Variants in CHAF1A observed in about 807,000 individuals in gnomAD.
The protein encoded by CHAF1A is chromatin assembly factor 1 subunit A.
CHAF1A carries 5 observed loss-of-function variants against 93.2 expected under a neutral mutation model. The ratio of observed to expected loss-of-function variants is 0.05; its 90% CI spans 0.03 to 0.11. CHAF1A has a LOEUF of 0.11. Ranked by LOEUF, CHAF1A falls within the 10% of genes least tolerant of loss-of-function variation. CHAF1A has a pLI of 1.00. For synonymous variants in CHAF1A, 504 were observed against 510.3 expected, an observed-to-expected ratio of 0.99 and a Z score of 0.17; for missense variants, 1,102 against 1,259.9, an observed-to-expected ratio of 0.87 and a Z score of 1.90.
intron 1 of CHAF1A, among the ~76,000 whole-genome samples, chr19:4,403,175 G>T (rs1218312604): frequency 2.6e-5 from 4 of 152,174 alleles, no homozygotes; most frequent in Non-Finnish European, 4.4e-5. Context: ...TGACCATGTT[G>T]GACCTTGCAG....
rs555710553 is a variant in CHAF1A at position 4,410,568 on chromosome 19, A to G, written c.960+809A>G. ...GCTAATTTTTATATTTTTAGTAGAGACAGGGTTTCACTATCTTGGCCAGGC... is the reference window on the plus strand; with the variant it reads ...GCTAATTTTTATATTTTTAGTAGAGGCAGGGTTTCACTATCTTGGCCAGGC... On this transcript the variant is annotated intron_variant, in intron 3 of 14. Coordinates refer to ENST00000301280, the MANE Select transcript of CHAF1A (RefSeq NM_005483.3). Among the ~76,000 whole-genome samples the G allele has an allele frequency of 2.2e-4, 33 of 152,134 alleles. No homozygotes were observed. The South Asian group carries it at 6.6e-3, about 31-fold the overall frequency.
At chr19:4,410,011 G>A (rs569440740) in intron 3 of CHAF1A, among the ~76,000 whole-genome samples, 287 of 152,298 alleles carry the variant, frequency 1.9e-3, no homozygotes, top group Middle Eastern at 6.8e-3. Flanking sequence ...CTGCTGTTTT[G>A]CCTTCGTTGT....
At chr19:4,405,093 T>A (rs1244799742) in intron 1 of CHAF1A, among the ~76,000 whole-genome samples, 1 of 152,154 alleles carries the variant, frequency 6.6e-6, no homozygotes, top group Non-Finnish European at 1.5e-5. Context: ...CCTCCCTACT[T>A]TTACTCATTC....
intron 13 of CHAF1A, among the ~76,000 whole-genome samples, chr19:4,434,601 G>A (rs1023109674): frequency 4.6e-5 from 7 of 151,972 alleles, no homozygotes; most frequent in Non-Finnish European, 7.4e-5. Context: ...CATCGTGTGT[G>A]GCTCCTTTGA....
intron 6 of CHAF1A, 56 bp downstream of exon 6, chr19:4,423,451 C>G (rs1974026069): frequency 6.2e-7 from 1 of 1,608,976 alleles, no homozygotes; most frequent in Admixed American, 1.7e-5. Flanking sequence ...AGCAGATGCC[C>G]AAAGTGGAAT....
chr19:4,415,378 G>GA (rs1472118121), intron 3 of CHAF1A, among the ~76,000 whole-genome samples: 1 of 152,208 alleles, frequency 6.6e-6, no homozygotes, highest in Non-Finnish European at 1.5e-5. Flanking sequence ...ACTCACAGCA[G>GA]AGGGGGGGCA....
chr19:4,443,919 C>A (rs913092786), downstream of CHAF1A, among the ~76,000 whole-genome samples: 2 of 152,172 alleles, frequency 1.3e-5, no homozygotes, highest in South Asian at 2.1e-4. Context: ...CCCAGCCACA[C>A]CCCACCTGAA....
chr19:4,430,469 C>T (rs913205669), intron 10 of CHAF1A, 80 bp from the exon 11 acceptor site: 13 of 936,482 alleles, frequency 1.4e-5, no homozygotes, highest in East Asian at 4.9e-5. Flanking sequence ...TGAGCCACTG[C>T]GCCTGGCCTA....
At chr19:4,431,739 C>T (rs573134617) in intron 11 of CHAF1A, among the ~76,000 whole-genome samples, 124 of 152,232 alleles carry the variant, frequency 8.1e-4, no homozygotes, top group African/African-American at 1.7e-3. Flanking sequence ...ATATCTGTGA[C>T]GCTCCCAAAG....
intron 4 of CHAF1A, among the ~76,000 whole-genome samples, chr19:4,419,904 C>T (rs990998328): frequency 4.6e-5 from 7 of 152,164 alleles, no homozygotes; most frequent in Non-Finnish European, 7.3e-5. Flanking sequence ...TGCTTAGCAA[C>T]AGGGTGGGAG....
chr19:4,447,594 C>T, downstream of CHAF1A: 1 of 1,613,964 alleles, frequency 6.2e-7, no homozygotes, highest in Non-Finnish European at 8.5e-7. Context: ...TACTTCTCCT[C>T]CTCGGGGTGC....
intron 7 of CHAF1A, among the ~76,000 whole-genome samples, chr19:4,426,940 A>G (rs1974093007): frequency 6.6e-6 from 1 of 151,606 alleles, no homozygotes; most frequent in Admixed American, 6.6e-5. Flanking sequence ...AAAAATACAA[A>G]AATTAGCCGG....
chr19:4,442,083 C>T (rs562008365), intron 13 of CHAF1A, among the ~76,000 whole-genome samples, 162 bp from the exon 14 acceptor site: 1 of 152,294 alleles, frequency 6.6e-6, no homozygotes, highest in Non-Finnish European at 1.5e-5. Flanking sequence ...AAACCTCTCA[C>T]ATTTGGACAG....
chr19:4,449,812 CTG>C (rs1392858356), downstream of CHAF1A: 4 of 152,052 alleles, frequency 2.6e-5, no homozygotes, highest in Non-Finnish European at 5.9e-5. Context: ...GAGAAGAAAG[CTG>C]AGCCAAGATC....
intron 13 of CHAF1A, among the ~76,000 whole-genome samples, chr19:4,437,092 C>T (rs243375): frequency 0.62 from 94,484 of 152,052 alleles, 29,700 homozygotes; most frequent in Admixed American, 0.74. Context: ...GCCTCTGCTG[C>T]GTGGCACAGG....
downstream of CHAF1A, chr19:4,445,426 T>C: frequency 1.9e-6 from 3 of 1,598,222 alleles, no homozygotes; most frequent in South Asian, 2.2e-5. Flanking sequence ...TTGGAGGCCC[T>C]GGGGTGGCGG....
At chr19:4,414,366 G>A (rs916785551) in intron 3 of CHAF1A, among the ~76,000 whole-genome samples, 4 of 147,504 alleles carry the variant, frequency 2.7e-5, no homozygotes, top group African/African-American at 1.0e-4. Flanking sequence ...GCACCACTGT[G>A]CTCCAGCCTG....
chr19:4,420,314 C>T (rs1019341816), intron 4 of CHAF1A, among the ~76,000 whole-genome samples: 1 of 151,926 alleles, frequency 6.6e-6, no homozygotes, highest in African/African-American at 2.4e-5. Flanking sequence ...GTGATCTCGG[C>T]TCCCTGCAAC....
chr19:4,435,403 T>G (rs1974266052), intron 13 of CHAF1A, among the ~76,000 whole-genome samples: 1 of 151,938 alleles, frequency 6.6e-6, no homozygotes. Context: ...TCAGGGGTCT[T>G]ACTCTGTTGC....
Sources: gnomAD v4.1 joint callset for allele counts (sites outside exome capture counted in the v4.1 genomes callset) on GRCh38, gnomAD v4.1.1 for gene constraint, MANE v1.5 for transcripts, NCBI Gene and HGNC (gene_info 2026-07-23, HGNC 2026-07-21) for gene names.